Variants in DAAM1 observed in about 807,000 individuals in gnomAD.
DAAM1 encodes dishevelled associated activator of morphogenesis 1.
DAAM1 carries 52 observed loss-of-function variants against 130.0 expected under a neutral mutation model. That is an observed-to-expected ratio of 0.40 (90% CI 0.32 to 0.50). The LOEUF (loss-of-function observed/expected upper bound fraction) is 0.50, where lower values mean the gene tolerates loss of function less well. Among genes scored for constraint, DAAM1 ranks in the 20% least tolerant of loss-of-function variants. DAAM1 has a pLI of 0.61. For synonymous variants in DAAM1, 452 were observed against 444.5 expected (o/e 1.02, Z -0.21); for missense variants, 1,134 against 1,303.8 (o/e 0.87, Z 2.01).
intron 2 of DAAM1, among the ~76,000 whole-genome samples, chr14:59,283,927 G>A (rs1883330877): frequency 6.6e-6 from 1 of 152,100 alleles, no homozygotes; most frequent in African/African-American, 2.4e-5. Flanking sequence ...TGAACTGGGA[G>A]CTCAAAACAG....
At chr14:59,295,286 G>A (rs1393214788) in intron 3 of DAAM1, among the ~76,000 whole-genome samples, 1 of 152,188 alleles carries the variant, frequency 6.6e-6, no homozygotes, top group African/African-American at 2.4e-5. Context: ...GCTGCTGAGT[G>A]TGTTTGATTC....
At position 59,368,903 on chromosome 14, in the gene DAAM1, C is replaced by T. The variant is rs1887031372; in HGVS notation, c.*44C>T. The T allele has an allele frequency of 3.8e-6, 6 of 1,573,920 alleles. No individual in the cohort carries two copies. The East Asian group carries it at 1.4e-4, about 36-fold the overall frequency. On this transcript the variant is annotated 3_prime_UTR_variant, in exon 25 of 25. Coordinates refer to ENST00000360909, the MANE Select transcript of DAAM1 (RefSeq NM_001270520.2). ...TTTTAGAAAGCTCATTAGCAGCCCT[C>T]TAAAGTGACTAGAACGTTTCATTAC...
chr14:59,275,080 A>C (rs1318465333), intron 2 of DAAM1, among the ~76,000 whole-genome samples: 1 of 152,206 alleles, frequency 6.6e-6, no homozygotes, highest in Non-Finnish European at 1.5e-5. Context: ...TGGGCTGGCA[A>C]GAGCAGTGCT....
chr14:59,331,317 C>G lies in DAAM1; in HGVS notation c.1669C>G (p.Leu557Val), dbSNP rs35271309. The G allele has an allele frequency of 6.2e-7, 1 of 1,610,462 alleles. No homozygotes were observed. Among genetic ancestry groups the G allele is most frequent in the Non-Finnish European group, 8.5e-7 (1 of 1,178,428 alleles). Residue 557 changes from leucine (L) to valine (V), a missense_variant, in exon 14 of 25, where the codon CTA becomes GTA. Leu to Val is a conservative substitution (Grantham distance 32, BLOSUM62 1). Around this residue, in one of 3 missense-constraint regions of DAAM1, gnomAD observed 644 missense variants for 695.9 expected, o/e 0.93. Coordinates refer to ENST00000360909, the MANE Select transcript of DAAM1 (RefSeq NM_001270520.2). ...CCTTCCTCCCCCACCACCCCCACCT[C>G]TACCAGGTGGGATGCTTCCCCCTCC... Reference protein sequence around the residue: ...SLLPPPPPPPLPGGMLPPPPP... With the variant: ...SLLPPPPPPPVPGGMLPPPPP...
chr14:59,328,545 T>C (rs1175012942), intron 12 of DAAM1, among the ~76,000 whole-genome samples: 3 of 152,226 alleles, frequency 2.0e-5, no homozygotes, highest in East Asian at 1.9e-4. Flanking sequence ...TGCTGAGCTC[T>C]GGGTCTGAGT....
intron 15 of DAAM1, chr14:59,338,565 T>C: frequency 1.3e-6 from 1 of 793,160 alleles, no homozygotes; most frequent in Admixed American, 2.6e-5. Context: ...GGATTTCAAC[T>C]CTTAAATGAG....
At chr14:59,323,927 G>C (rs974271116) in intron 6 of DAAM1, among the ~76,000 whole-genome samples, 1 of 152,016 alleles carries the variant, frequency 6.6e-6, no homozygotes, top group Non-Finnish European at 1.5e-5. Flanking sequence ...AGCTACTCGG[G>C]AGGCTGAGGC....
At chr14:59,252,519 A>G (rs956806055) in intron 1 of DAAM1, among the ~76,000 whole-genome samples, 7 of 152,168 alleles carry the variant, frequency 4.6e-5, no homozygotes, top group Non-Finnish European at 1.0e-4. Context: ...ATTTCCCACA[A>G]TTTGCAGATA....
intron 2 of DAAM1, chr14:59,264,075 G>A (rs969822228): frequency 8.5e-5 from 18 of 212,488 alleles, no homozygotes; most frequent in Middle Eastern, 3.6e-3. Flanking sequence ...CAGTATTAAC[G>A]TATTTTTAAA....
intron 23 of DAAM1, among the ~76,000 whole-genome samples, chr14:59,366,168 T>G (rs1443530562): frequency 2.0e-5 from 3 of 150,386 alleles, no homozygotes; most frequent in African/African-American, 7.6e-5. Context: ...GGATCACTTG[T>G]GCCTAGGTGT....
At chr14:59,296,259 T>G (rs529820174) in intron 3 of DAAM1, among the ~76,000 whole-genome samples, 3 of 152,334 alleles carry the variant, frequency 2.0e-5, no homozygotes, top group Admixed American at 2.0e-4. Context: ...ACATAGTCCC[T>G]GGCATTGAGA....
chr14:59,308,391 A>G (rs989692270), intron 3 of DAAM1, among the ~76,000 whole-genome samples: 1 of 152,168 alleles, frequency 6.6e-6, no homozygotes, highest in Non-Finnish European at 1.5e-5. Context: ...TTGTTTAAAT[A>G]TTTGCTGGGT....
chr14:59,216,044 G>A (rs1888568801), intron 1 of DAAM1, among the ~76,000 whole-genome samples: 1 of 152,112 alleles, frequency 6.6e-6, no homozygotes, highest in African/African-American at 2.4e-5. Flanking sequence ...CTTCTTGTGG[G>A]TGGAGTTTGC....
intron 1 of DAAM1, among the ~76,000 whole-genome samples, chr14:59,231,096 T>A (rs960088236): frequency 3.9e-5 from 6 of 152,202 alleles, no homozygotes; most frequent in Non-Finnish European, 7.4e-5. Context: ...ACATATTACT[T>A]TGTTTATTAA....
chr14:59,247,097 T>C (rs1881418535), intron 1 of DAAM1, among the ~76,000 whole-genome samples: 1 of 152,184 alleles, frequency 6.6e-6, no homozygotes, highest in South Asian at 2.1e-4. Flanking sequence ...CCAGCCTCAT[T>C]CTTTTGCATG....
chr14:59,289,783 T>TATATATATATAA (rs966292211), intron 2 of DAAM1, among the ~76,000 whole-genome samples: 7 of 135,286 alleles, frequency 5.2e-5, no homozygotes, highest in Admixed American at 7.3e-5. Context: ...TATATATATA[T>TATATATATATAA]AATGGAATGC....
At chr14:59,233,346 T>C (rs1889174621) in intron 1 of DAAM1, among the ~76,000 whole-genome samples, 1 of 152,206 alleles carries the variant, frequency 6.6e-6, no homozygotes, top group East Asian at 1.9e-4. Flanking sequence ...TGGCAAGAGA[T>C]GGTATCTCAT....
At chr14:59,300,419 C>T (rs904094605) in intron 3 of DAAM1, among the ~76,000 whole-genome samples, 1 of 152,182 alleles carries the variant, frequency 6.6e-6, no homozygotes, top group African/African-American at 2.4e-5. Context: ...TATTAGAAGT[C>T]TTAAACCTAA....
At chr14:59,276,280 T>C (rs1882965656) in intron 2 of DAAM1, among the ~76,000 whole-genome samples, 3 of 152,272 alleles carry the variant, frequency 2.0e-5, no homozygotes, top group Non-Finnish European at 4.4e-5. Flanking sequence ...CCATGCATTT[T>C]ATAAAAATGT....
Sources: allele counts gnomAD v4.1 joint callset (sites outside exome capture counted in the v4.1 genomes callset), GRCh38; gene constraint gnomAD v4.1.1; regional missense constraint gnomAD v4.1.1; transcripts MANE v1.5; gene names NCBI Gene and HGNC (gene_info 2026-07-23, HGNC 2026-07-21).